The following PRELID2 variants were observed in gnomAD, a reference collection of about 807,000 sequenced individuals.
PRELID2 encodes the protein PRELI domain-containing protein 2.
Under a neutral mutation model 28.4 loss-of-function variants are expected in PRELID2, and 25 were observed. The ratio of observed to expected loss-of-function variants is 0.88; its 90% CI spans 0.64 to 1.23. PRELID2 has a LOEUF of 1.23. Among genes scored for constraint, PRELID2 ranks in the 50% most tolerant of loss-of-function variants. The pLI is 0.00. For missense variants in PRELID2, 201 were observed against 214.4 expected (o/e 0.94, Z 0.39); for synonymous variants, 76 against 71.6 (o/e 1.06, Z -0.31).
intron 1 of PRELID2, among the ~76,000 whole-genome samples, chr5:145,521,650 A>G (rs538335751): frequency 4.6e-5 from 7 of 152,248 alleles, no homozygotes; most frequent in Non-Finnish European, 8.8e-5. Flanking sequence ...CATAATCCCT[A>G]TCTTTGTTCT....
intron 5 of PRELID2, among the ~76,000 whole-genome samples, chr5:145,765,732 G>A (rs780110672): frequency 1.3e-4 from 20 of 152,078 alleles, no homozygotes; most frequent in African/African-American, 3.6e-4. Flanking sequence ...TCCTGAGTGC[G>A]CACTACAATA....
At chr5:145,253,569 G>A in the PRELID2 span, among the ~76,000 whole-genome samples, 33 of 151,936 alleles carry the variant, frequency 2.2e-4, no homozygotes, top group Non-Finnish European at 3.8e-4. Context: ...AAGAATCCCT[G>A]CAAGTCATGG....
chr5:145,494,901 C>T (rs1306112129), intron 1 of PRELID2, among the ~76,000 whole-genome samples: 1 of 152,104 alleles, frequency 6.6e-6, no homozygotes, highest in Admixed American at 6.6e-5. Context: ...TTTACGATTC[C>T]TAATTCAGAT....
the PRELID2 span, among the ~76,000 whole-genome samples, chr5:145,455,315 A>T: frequency 6.6e-6 from 1 of 151,848 alleles, no homozygotes; most frequent in Non-Finnish European, 1.5e-5. Flanking sequence ...TGCTCTATAT[A>T]TCTGTTTTGG....
At chr5:145,625,626 T>C (rs533662780) in intron 1 of PRELID2, among the ~76,000 whole-genome samples, 14 of 152,294 alleles carry the variant, frequency 9.2e-5, no homozygotes, top group African/African-American at 3.4e-4. Context: ...ACATAATGTA[T>C]GTAACTGTAA....
intron 1 of PRELID2, among the ~76,000 whole-genome samples, chr5:145,592,356 G>C (rs1311562114): frequency 6.6e-6 from 1 of 152,032 alleles, no homozygotes; most frequent in Non-Finnish European, 1.5e-5. Flanking sequence ...TAAGGCGGAG[G>C]CTGCAGTGAG....
chr5:145,335,301 C>A, the PRELID2 span, among the ~76,000 whole-genome samples: 8 of 151,960 alleles, frequency 5.3e-5, no homozygotes, highest in East Asian at 1.6e-3. Context: ...TCAGCTTCTT[C>A]TGTTTAGTCC....
chr5:145,785,823 C>T lies in PRELID2; in HGVS notation c.474+10619G>A, dbSNP rs535416560. ...ATCTAGCAAGACCTTCACCCTCCAA[C>T]TTTAGGGATGGCATCCACAGTTTAT... On this transcript the variant is annotated intron_variant, in intron 5 of 6. Transcript: ENST00000683046. 4.6e-5 allele frequency among the ~76,000 whole-genome samples: 7 copies of T among 152,314 alleles called. No homozygotes were observed. The East Asian group carries it at 1.2e-3, about 25-fold the overall frequency.
chr5:145,755,132 A>T (rs928537484), downstream of PRELID2, among the ~76,000 whole-genome samples: 3 of 152,196 alleles, frequency 2.0e-5, no homozygotes, highest in Non-Finnish European at 2.9e-5. Flanking sequence ...GACAAACTAC[A>T]ATCATACCAA....
intron 1 of PRELID2, among the ~76,000 whole-genome samples, chr5:145,660,605 A>G (rs569096156): frequency 2.6e-4 from 39 of 152,140 alleles, no homozygotes; most frequent in Non-Finnish European, 4.9e-4. Context: ...GAATTAATGG[A>G]CGCCAGAACA....
chr5:145,699,952 G>A (rs940910709), intron 1 of PRELID2, among the ~76,000 whole-genome samples: 1 of 152,114 alleles, frequency 6.6e-6, no homozygotes, highest in Non-Finnish European at 1.5e-5. Flanking sequence ...AGTTCAGAAA[G>A]CTGAATATAA....
At chr5:145,471,391 C>A (rs1281146470), downstream of PRELID2, among the ~76,000 whole-genome samples, 2 of 152,058 alleles carry the variant, frequency 1.3e-5, no homozygotes, top group African/African-American at 4.8e-5. Flanking sequence ...TTTCTTATAC[C>A]AAAAGGGGAA....
chr5:145,806,053 G>A (rs1753481895), intron 4 of PRELID2, among the ~76,000 whole-genome samples: 3 of 152,254 alleles, frequency 2.0e-5, no homozygotes, highest in Admixed American at 6.5e-5. Context: ...AAAGGTCTAG[G>A]ATATTACTGT....
At chr5:145,575,797 G>A (rs1753055733) in intron 1 of PRELID2, among the ~76,000 whole-genome samples, 1 of 152,118 alleles carries the variant, frequency 6.6e-6, no homozygotes. Context: ...TATTGCGTCT[G>A]GAACAGAGAC....
intron 1 of PRELID2, among the ~76,000 whole-genome samples, chr5:145,713,752 C>CAT (rs987471183): frequency 9.1e-5 from 12 of 132,428 alleles, no homozygotes; most frequent in Non-Finnish European, 6.4e-5. Context: ...TCTTCTGGCA[C>CAT]ATATATATAT....
chr5:145,662,434 C>T (rs1012354945), intron 1 of PRELID2, among the ~76,000 whole-genome samples: 2 of 152,082 alleles, frequency 1.3e-5, no homozygotes, highest in African/African-American at 2.4e-5. Flanking sequence ...TGCTGGATTA[C>T]AGTGTAGGGA....
intron 1 of PRELID2, among the ~76,000 whole-genome samples, chr5:145,697,591 T>A (rs1292028878): frequency 6.6e-6 from 1 of 152,176 alleles, no homozygotes; most frequent in East Asian, 1.9e-4. Flanking sequence ...ACAGAGACTC[T>A]ATGGCCTGCA....
Position 145,743,000 on chromosome 5 carries a change from A to G in PRELID2, n.70+21931T>C, listed in dbSNP as rs550400583. Among the ~76,000 whole-genome samples the G allele has an allele frequency of 3.9e-5, 6 of 152,274 alleles. No homozygotes were observed. The East Asian group carries it at 1.2e-3, about 29-fold the overall frequency. ...ACCAATTTCTCAAAAAATATAAATT[A>G]CTTCAACTTATCCAATATGAAATAG... On this transcript the variant is annotated intron_variant and non_coding_transcript_variant, in intron 1 of 2. Transcript: ENST00000510259.
chr5:145,734,226 G>A (rs980714697), intron 1 of PRELID2, among the ~76,000 whole-genome samples: 6 of 151,966 alleles, frequency 3.9e-5, no homozygotes, highest in Middle Eastern at 3.2e-3. Flanking sequence ...AGCAATCCTC[G>A]CACCTCAGCC....
Sources: allele counts gnomAD v4.1 joint callset (sites outside exome capture counted in the v4.1 genomes callset), GRCh38; gene constraint gnomAD v4.1.1; transcripts MANE v1.5; gene names NCBI Gene and HGNC (gene_info 2026-07-23, HGNC 2026-07-21).